Variants in UBR3 observed in about 807,000 individuals in gnomAD.
The protein encoded by UBR3 is E3 ubiquitin-protein ligase UBR3.
In UBR3, 85 loss-of-function variants were observed where a neutral mutation model predicts 243.2. The ratio of observed to expected loss-of-function variants is 0.35; its 90% CI spans 0.29 to 0.42. UBR3 has a LOEUF of 0.42. UBR3 is among the 10% of genes least tolerant of loss of function. The pLI is 1.00. For synonymous variants in UBR3, 748 were observed against 799.8 expected (o/e 0.94, Z 1.09); for missense variants, 1,686 against 2,300.8 (o/e 0.73, Z 5.47).
chr2:169,980,792 T>C (rs1429661690), intron 24 of UBR3, among the ~76,000 whole-genome samples: 9 of 125,830 alleles, frequency 7.2e-5, no homozygotes, highest in African/African-American at 2.7e-4. Context: ...GATCTTGGTT[T>C]CTAATACAGT....
intron 30 of UBR3, among the ~76,000 whole-genome samples, chr2:170,016,417 T>C (rs1053650483): frequency 6.6e-6 from 1 of 151,844 alleles, no homozygotes; most frequent in African/African-American, 2.4e-5. Context: ...TTAGTAAAAA[T>C]TGACCCCTTT....
intron 1 of UBR3, among the ~76,000 whole-genome samples, chr2:169,855,905 C>T (rs2082830153): frequency 1.3e-5 from 2 of 152,092 alleles, no homozygotes; most frequent in South Asian, 4.1e-4. Flanking sequence ...AGGGGCTCCT[C>T]ACTTCCCAGA....
At position 169,942,655 on chromosome 2, in the gene UBR3, G is replaced by C. The variant is rs767230900; in HGVS notation, c.2805+21G>C. On this transcript the variant is annotated intron_variant, in intron 20 of 38. Transcript: ENST00000272793. ...ACAAGGTACAGTAGTAATTTGAATA[G>C]AAAGACTAAGCTTAGAATTTATTTT... 3.4e-6 allele frequency: 5 copies of C among 1,482,790 alleles called. No individual in the cohort carries two copies. In the South Asian group the frequency reaches 4.2e-5, roughly 12 times the overall value. 91.9% of individuals were successfully genotyped at this position (1,482,790 alleles called of 1,614,324 possible). A position where few individuals can be genotyped will look rare whatever the true frequency, so the allele number is the denominator to read the frequency against.
At chr2:170,069,334 TTATA>T (rs1332318294) in intron 35 of UBR3, among the ~76,000 whole-genome samples, 1 of 152,016 alleles carries the variant, frequency 6.6e-6, no homozygotes, top group East Asian at 1.9e-4. Flanking sequence ...CAAGTAAAAA[TTATA>T]TATATAGTAT....
chr2:169,875,778 T>G lies in UBR3; in HGVS notation c.686-13T>G. Reference sequence around the variant, plus strand: ...ATTACCCTTATTTGATTTTTTTTCTTTTTTTCTTTTAGCAGCTGATGGACC... The same window carrying G: ...ATTACCCTTATTTGATTTTTTTTCTGTTTTTCTTTTAGCAGCTGATGGACC... On this transcript the variant is annotated splice_polypyrimidine_tract_variant and intron_variant, in intron 2 of 38. Transcript: ENST00000272793. 1 of 1,499,970 alleles carries G rather than the reference T, an allele frequency of 6.7e-7. No individual in the cohort carries two copies. Among genetic ancestry groups the G allele is most frequent in the South Asian group, 1.3e-5 (1 of 74,284 alleles). 92.9% of individuals were successfully genotyped at this position (1,499,970 alleles called of 1,614,324 possible). A position where few individuals can be genotyped will look rare whatever the true frequency, so the allele number is the denominator to read the frequency against.
At chr2:170,051,800 TA>T (rs1252335675) in intron 32 of UBR3, among the ~76,000 whole-genome samples, 2 of 152,238 alleles carry the variant, frequency 1.3e-5, no homozygotes, top group Admixed American at 1.3e-4. Flanking sequence ...TGTCACTTAT[TA>T]AAATATTTCA....
Position 169,864,173 on chromosome 2 carries a change from G to A in UBR3, c.546-8063G>A, listed in dbSNP as rs192870917. On this transcript the variant is annotated intron_variant, in intron 1 of 38. Coordinates refer to ENST00000272793, the MANE Select transcript of UBR3 (RefSeq NM_172070.4). ...TGATCTTCCTACGTCAGCCTCCTGG[G>A]TAGCTGGGATTATAGGTGCATGCCA... Among the ~76,000 whole-genome samples the A allele has an allele frequency of 3.2e-3, 482 of 152,188 alleles. 1 individual carries two copies. Among genetic ancestry groups the A allele is most frequent in the Admixed American group, 5.7e-3 (87 of 15,292 alleles).
Position 169,905,273 on chromosome 2 carries a change from A to G in UBR3, c.1625A>G (p.Asn542Ser). The stretch of plus-strand genomic sequence containing the variant: ...CACGGTTTGTTAGTTACATGGATGA[A>G]CTTTGTATCTTTCTTTCAAGGTATG... The part of the protein sequence containing the change: ...EDHGLLVTWM[N>S]FVSFFQGMNL... Residue 542 changes from asparagine to serine, a missense_variant, in exon 9 of 39, where the codon AAC becomes AGC. Asn to Ser is a conservative substitution (Grantham distance 46). This residue lies in a region of UBR3 where 346 missense variants were observed against 585.8 expected (regional missense o/e 0.59). Coordinates refer to ENST00000272793, the MANE Select transcript of UBR3 (RefSeq NM_172070.4). 2 of 1,527,482 alleles carry G rather than the reference A, an allele frequency of 1.3e-6. No individual in the cohort carries two copies. Among genetic ancestry groups the G allele is most frequent in the Non-Finnish European group, 1.8e-6 (2 of 1,138,012 alleles). The allele number at this position is 1,527,482 out of a possible 1,614,324, so 94.6% of individuals were successfully genotyped here. A position where few individuals can be genotyped will look rare whatever the true frequency, so the allele number is the denominator to read the frequency against.
Position 170,055,827 on chromosome 2 carries a change from A to G in UBR3, c.4785+243A>G, listed in dbSNP as rs771267217. On this transcript the variant is annotated intron_variant, in intron 33 of 38. Transcript: ENST00000272793. Reference sequence around the variant, plus strand: ...GCAGTTTTGTTTTGCTTTTTCTGCAAGCCTTAAACTTAGAGAAGTTATAAA... The same window carrying G: ...GCAGTTTTGTTTTGCTTTTTCTGCAGGCCTTAAACTTAGAGAAGTTATAAA... Among the ~76,000 whole-genome samples, 6 of 152,220 alleles carry G rather than the reference A, an allele frequency of 3.9e-5. No individual in the cohort carries two copies. In the East Asian group the frequency reaches 1.2e-3, roughly 29 times the overall value.
chr2:169,947,688 T>G lies in UBR3; in HGVS notation c.3057T>G (p.Thr1019=), dbSNP rs1402411562. 1 of 1,514,140 alleles carries G rather than the reference T, an allele frequency of 6.6e-7. No homozygotes were observed. The highest frequency in any genetic ancestry group is 1.3e-5 in the South Asian group (1 of 76,014). The allele number at this position is 1,514,140 out of a possible 1,614,324, so 93.8% of individuals were successfully genotyped here. A position where few individuals can be genotyped will look rare whatever the true frequency, so the allele number is the denominator to read the frequency against. ...PEVKRDSPAS[T]SSDNLGSLQN... is the part of the protein sequence containing the mutation. ...TAAAGAGAGACTCACCTGCAAGTAC[T>G]AGCTCTGATAACTTGGGTTCTTTAC... is the stretch of plus-strand genomic sequence containing the variant. The change falls in exon 22 of 39, where the codon ACT becomes ACG. Residue 1019 remains threonine, a synonymous_variant. Transcript: ENST00000272793.
chr2:170,064,451 A>C (rs976016262), intron 35 of UBR3, among the ~76,000 whole-genome samples: 3 of 151,940 alleles, frequency 2.0e-5, no homozygotes, highest in Admixed American at 6.6e-5. Flanking sequence ...TAAAATTATA[A>C]ATTTATTTTG....
intron 8 of UBR3, among the ~76,000 whole-genome samples, chr2:169,902,819 A>G (rs1366759996): frequency 6.6e-6 from 1 of 152,150 alleles, no homozygotes; most frequent in Non-Finnish European, 1.5e-5. Context: ...CATGTTGGCG[A>G]GGCTGGTCTC....
At position 170,029,385 on chromosome 2, in the gene UBR3, A is replaced by G. The variant is rs555473947; in HGVS notation, c.4493A>G (p.Tyr1498Cys). ...GTATTAGCCTTGCACATGCGGCTTT[A>G]TAGCATTGACTCTGAGTATAATCCC... ...FHVLALHMRLYSIDSEYNPWR... is the reference protein window; with the variant it reads ...FHVLALHMRLCSIDSEYNPWR... The change falls in exon 31 of 39, where the codon TAT becomes TGT. Residue 1498 changes from tyrosine (Y) to cysteine (C), a missense_variant. By Grantham distance (194) the Tyr-to-Cys change is radical. Around this residue, in one of 8 missense-constraint regions of UBR3, gnomAD observed 371 missense variants for 422.5 expected, o/e 0.88. Coordinates refer to ENST00000272793, the MANE Select transcript of UBR3 (RefSeq NM_172070.4). 4 of 1,611,726 alleles carry G rather than the reference A, an allele frequency of 2.5e-6. No individual in the cohort carries two copies. The highest frequency in any genetic ancestry group is 2.2e-5 in the East Asian group (1 of 44,740).
chr2:169,978,500 C>T (rs535810991), intron 24 of UBR3, among the ~76,000 whole-genome samples: 4 of 151,942 alleles, frequency 2.6e-5, no homozygotes, highest in African/African-American at 4.8e-5. Flanking sequence ...AAAGGGTGCT[C>T]CTGAGGTTTG....
chr2:169,866,387 G>A (rs1403045251), intron 1 of UBR3, among the ~76,000 whole-genome samples: 1 of 147,502 alleles, frequency 6.8e-6, no homozygotes, highest in Non-Finnish European at 1.5e-5. Context: ...TTTTTGAGAT[G>A]AAGTCTTGCT....
intron 24 of UBR3, among the ~76,000 whole-genome samples, chr2:169,974,494 G>T (rs553961657): frequency 2.6e-5 from 4 of 152,060 alleles, no homozygotes; most frequent in African/African-American, 9.6e-5. Flanking sequence ...TTGTATTTCC[G>T]TGGCATCGTT....
chr2:169,835,499 T>G (rs1423723280), intron 1 of UBR3, among the ~76,000 whole-genome samples: 1 of 152,156 alleles, frequency 6.6e-6, no homozygotes, highest in Non-Finnish European at 1.5e-5. Flanking sequence ...GGAGTGCAGT[T>G]GCATGATCTC....
intron 18 of UBR3, among the ~76,000 whole-genome samples, chr2:169,930,446 G>A (rs1215483884): frequency 1.3e-5 from 2 of 151,940 alleles, no homozygotes; most frequent in African/African-American, 2.4e-5. Flanking sequence ...GAGTGCAGTG[G>A]CGCCATCATA....
chr2:169,922,617 A>G (rs1049442780), intron 11 of UBR3, among the ~76,000 whole-genome samples: 1 of 152,150 alleles, frequency 6.6e-6, no homozygotes, highest in Non-Finnish European at 1.5e-5. Flanking sequence ...CTCTTCCCCC[A>G]GCTTCTGGCA....
Sources: allele counts gnomAD v4.1 joint callset (sites outside exome capture counted in the v4.1 genomes callset), GRCh38; gene constraint gnomAD v4.1.1; regional missense constraint gnomAD v4.1.1; transcripts MANE v1.5; gene names NCBI Gene and HGNC (gene_info 2026-07-23, HGNC 2026-07-21).